Variants in NCKAP5 observed in about 807,000 individuals in gnomAD.
NCKAP5 encodes nck-associated protein 5.
A neutral mutation model predicts 167.0 loss-of-function variants in NCKAP5; 92 were observed. That is an observed-to-expected ratio of 0.55 (90% CI 0.47 to 0.66). NCKAP5 has a LOEUF of 0.66. Ranked by LOEUF, NCKAP5 falls within the 30% of genes least tolerant of loss-of-function variation. NCKAP5 has a pLI of 0.00. For synonymous variants in NCKAP5, 891 were observed against 877.4 expected (o/e 1.02, Z -0.27); for missense variants, 2,378 against 2,315.0 (o/e 1.03, Z -0.56).
rs751280659 is a variant in NCKAP5, at chr2:132,731,825, G to T, written c.5355C>A (p.Ser1785Arg). The change falls in exon 17 of 20, where the codon AGC becomes AGA. Residue 1785 changes from serine (S) to arginine (R), a missense_variant. Coordinates refer to ENST00000409261, the MANE Select transcript of NCKAP5 (RefSeq NM_207363.3). ...GGTCGGATGTGGAATGAACAATGGC[G>T]CTATCTGCAGGGCGCTGGCCGTCTG... ...SSTDGQRPADSAIVHSTSDPI... is the reference protein window; with the variant it reads ...SSTDGQRPADRAIVHSTSDPI... 1 of 1,613,918 alleles carries T rather than the reference G, an allele frequency of 6.2e-7. No homozygotes were observed. Among genetic ancestry groups the T allele is most frequent in the Non-Finnish European group, 8.5e-7 (1 of 1,179,868 alleles).
At chr2:133,382,975 T>C (rs1686633074) in intron 3 of NCKAP5, among the ~76,000 whole-genome samples, 1 of 152,204 alleles carries the variant, frequency 6.6e-6, no homozygotes, top group African/African-American at 2.4e-5. Context: ...AAGCCTTGTA[T>C]TTAAGCATAA....
chr2:133,341,675 T>G (rs1354297615), intron 3 of NCKAP5, among the ~76,000 whole-genome samples: 1 of 151,996 alleles, frequency 6.6e-6, no homozygotes, highest in African/African-American at 2.4e-5. Context: ...AGCTGTTAAG[T>G]AAAGTAGCAC....
the NCKAP5 span, among the ~76,000 whole-genome samples, chr2:133,637,029 A>T: frequency 6.6e-6 from 1 of 151,226 alleles, no homozygotes; most frequent in Admixed American, 6.7e-5. Context: ...GATTTTTAAA[A>T]ATATTTAAAG....
At chr2:132,770,819 CCTTAAGATTATAA>C in intron 16 of NCKAP5, among the ~76,000 whole-genome samples, 1 of 152,146 alleles carries the variant, frequency 6.6e-6, no homozygotes, top group East Asian at 1.9e-4. Context: ...AATGGTGATC[CCTTAAGATTATAA>C]TGAAGCTGAA....
At chr2:132,968,939 T>G (rs888704030) in intron 7 of NCKAP5, among the ~76,000 whole-genome samples, 3 of 152,138 alleles carry the variant, frequency 2.0e-5, no homozygotes. Context: ...GGTGGGAATG[T>G]ACGAAGAGAT....
chr2:133,190,390 C>A (rs189081651), intron 5 of NCKAP5, among the ~76,000 whole-genome samples: 5 of 152,268 alleles, frequency 3.3e-5, no homozygotes, highest in South Asian at 2.1e-4. Flanking sequence ...CATCAAGCTA[C>A]CAATAACTTT....
intron 6 of NCKAP5, among the ~76,000 whole-genome samples, chr2:133,061,460 C>T (rs1049028627): frequency 2.0e-5 from 3 of 152,166 alleles, no homozygotes; most frequent in Admixed American, 1.3e-4. Context: ...CAATAAACCC[C>T]TATGACATGT....
At chr2:133,309,087 T>TA (rs565699269) in intron 3 of NCKAP5, among the ~76,000 whole-genome samples, 23 of 152,192 alleles carry the variant, frequency 1.5e-4, no homozygotes, top group South Asian at 4.1e-4. Flanking sequence ...GAAAGAAGGA[T>TA]AAAAAAACTG....
intron 2 of NCKAP5, among the ~76,000 whole-genome samples, chr2:133,539,372 G>A (rs1271991403): frequency 6.6e-6 from 1 of 151,876 alleles, no homozygotes; most frequent in African/African-American, 2.4e-5. Flanking sequence ...GAGATGAGAG[G>A]AAGCTCCAAT....
intron 7 of NCKAP5, 141 bp from the exon 8 acceptor site, chr2:132,964,010 T>C (rs1006481982): frequency 3.2e-6 from 3 of 944,234 alleles, no homozygotes; most frequent in African/African-American, 1.6e-5. Context: ...CTGAGAGGGG[T>C]TTATTTTAAA....
chr2:133,074,511 C>T (rs2080528982), intron 6 of NCKAP5, among the ~76,000 whole-genome samples: 1 of 152,132 alleles, frequency 6.6e-6, no homozygotes, highest in South Asian at 2.1e-4. Flanking sequence ...CAGATGTGTG[C>T]CAACCCTCCA....
chr2:133,538,939 T>G (rs1315548170), intron 2 of NCKAP5, among the ~76,000 whole-genome samples: 17 of 133,884 alleles, frequency 1.3e-4, no homozygotes, highest in East Asian at 4.2e-4. Context: ...GGGTTTTTTT[T>G]TTTTTTTTTT....
intron 5 of NCKAP5, among the ~76,000 whole-genome samples, chr2:133,210,367 T>A (rs1225262114): frequency 1.3e-5 from 2 of 151,942 alleles, no homozygotes; most frequent in Non-Finnish European, 2.9e-5. Flanking sequence ...TAAAAATAAA[T>A]ATCAGCCTCA....
chr2:133,546,984 G>T (rs1233850850), intron 2 of NCKAP5, among the ~76,000 whole-genome samples: 1 of 152,268 alleles, frequency 6.6e-6, no homozygotes, highest in African/African-American at 2.4e-5. Context: ...ATCTCACTAG[G>T]GAGTGCCAGA....
intron 3 of NCKAP5, among the ~76,000 whole-genome samples, chr2:133,486,128 G>C (rs1351592345): frequency 6.6e-6 from 1 of 152,164 alleles, no homozygotes; most frequent in East Asian, 1.9e-4. Flanking sequence ...ATATTACATG[G>C]AGGAGAAAAC....
chr2:132,864,087 C>CT (rs1413979926), intron 10 of NCKAP5, among the ~76,000 whole-genome samples: 1 of 152,160 alleles, frequency 6.6e-6, no homozygotes, highest in Non-Finnish European at 1.5e-5. Context: ...CCAGAACAGC[C>CT]TCCCCAAGGA....
At chr2:133,211,421 G>C (rs898280795) in intron 5 of NCKAP5, among the ~76,000 whole-genome samples, 7 of 151,950 alleles carry the variant, frequency 4.6e-5, no homozygotes, top group African/African-American at 1.5e-4. Flanking sequence ...TGTAGAGCAG[G>C]GTTTTACTAT....
chr2:133,212,194 C>T lies in NCKAP5; in HGVS notation c.207+1522G>A, dbSNP rs148338206. ...TCATATTCAACTAGAACGTCGCTGA[C>T]GAAGTGGTGAGCAGGAGCTAGTCTT... is the stretch of plus-strand genomic sequence containing the variant. On this transcript the variant is annotated intron_variant, in intron 5 of 19. Coordinates refer to ENST00000409261, the MANE Select transcript of NCKAP5 (RefSeq NM_207363.3). Among the ~76,000 whole-genome samples, 115 of 152,246 alleles carry T rather than the reference C, an allele frequency of 7.6e-4. 2 individuals are homozygous for T. The East Asian group carries it at 9.3e-3, about 12-fold the overall frequency.
chr2:133,159,522 C>T (rs2083703420), intron 5 of NCKAP5, among the ~76,000 whole-genome samples: 1 of 152,124 alleles, frequency 6.6e-6, no homozygotes, highest in African/African-American at 2.4e-5. Flanking sequence ...GAAACTAATA[C>T]AAAGACCCTA....
Sources: allele counts gnomAD v4.1 joint callset (sites outside exome capture counted in the v4.1 genomes callset), GRCh38; gene constraint gnomAD v4.1.1; transcripts MANE v1.5; gene names NCBI Gene and HGNC (gene_info 2026-07-23, HGNC 2026-07-21).